SUPT3H: variants seen among roughly 807,000 people sequenced by gnomAD.
SUPT3H encodes transcription initiation protein SPT3 homolog.
SUPT3H carries 44 observed loss-of-function variants against 44.3 expected under a neutral mutation model. The ratio of observed to expected loss-of-function variants is 0.99; its 90% CI spans 0.78 to 1.28. The LOEUF (loss-of-function observed/expected upper bound fraction) is 1.28, where lower values mean the gene tolerates loss of function less well. Among genes scored for constraint, SUPT3H ranks in the 50% most tolerant of loss-of-function variants. The pLI is 0.00. For missense variants in SUPT3H, 380 were observed against 387.1 expected (o/e 0.98, Z 0.15); for synonymous variants, 124 against 125.6 (o/e 0.99, Z 0.09).
chr6:44,906,686 T>TG (rs1766145512), intron 10 of SUPT3H, among the ~76,000 whole-genome samples: 1 of 152,210 alleles, frequency 6.6e-6, no homozygotes, highest in South Asian at 2.1e-4. Flanking sequence ...CGCTTAAACC[T>TG]GGGAGGCAGA....
intron 10 of SUPT3H, among the ~76,000 whole-genome samples, chr6:44,890,487 T>C (rs1763098483): frequency 6.6e-6 from 1 of 151,626 alleles, no homozygotes; most frequent in Non-Finnish European, 1.5e-5. Context: ...GAAATCATCA[T>C]TCTCAGTAAA....
At chr6:45,154,577 G>A (rs1807500480) in intron 2 of SUPT3H, among the ~76,000 whole-genome samples, 1 of 152,100 alleles carries the variant, frequency 6.6e-6, no homozygotes, top group African/African-American at 2.4e-5. Flanking sequence ...GTGCATAATA[G>A]GACAACTTTT....
At chr6:45,125,077 A>G (rs75196288) in intron 2 of SUPT3H, among the ~76,000 whole-genome samples, 5,524 of 152,312 alleles carry the variant, frequency 0.036, 143 homozygotes, top group Middle Eastern at 0.058. Flanking sequence ...TAGAGCCTTC[A>G]GAGAACAAGA....
chr6:45,058,204 A>G (rs186153106), intron 3 of SUPT3H, among the ~76,000 whole-genome samples: 2 of 152,226 alleles, frequency 1.3e-5, no homozygotes, highest in African/African-American at 2.4e-5. Flanking sequence ...AAAATAATCC[A>G]TGTGAGATCA....
intron 6 of SUPT3H, among the ~76,000 whole-genome samples, chr6:44,998,210 C>G (rs943821574): frequency 4.0e-5 from 6 of 151,520 alleles, no homozygotes; most frequent in Admixed American, 2.6e-4. Context: ...TTAACTATTT[C>G]ATGAATTAAA....
intron 2 of SUPT3H, among the ~76,000 whole-genome samples, chr6:45,119,583 A>G (rs1337292258): frequency 6.6e-6 from 1 of 152,198 alleles, no homozygotes; most frequent in Non-Finnish European, 1.5e-5. Context: ...CTGTTGGATG[A>G]GCACAGATGG....
chr6:44,834,169 A>G (rs915468006), intron 10 of SUPT3H, among the ~76,000 whole-genome samples: 1 of 152,192 alleles, frequency 6.6e-6, no homozygotes, highest in African/African-American at 2.4e-5. Flanking sequence ...AGCTGAGAAC[A>G]GTGGTAAAAT....
intron 2 of SUPT3H, among the ~76,000 whole-genome samples, chr6:45,340,798 A>G (rs1789629390): frequency 6.6e-6 from 1 of 152,286 alleles, no homozygotes; most frequent in East Asian, 1.9e-4. Context: ...ATCCTCATTT[A>G]TAAAATTAAA....
intron 2 of SUPT3H, among the ~76,000 whole-genome samples, chr6:45,214,943 G>A (rs890615319): frequency 5.3e-5 from 8 of 151,952 alleles, no homozygotes; most frequent in Non-Finnish European, 7.4e-5. Context: ...CAGCAGAGCC[G>A]CTGTGCCCAG....
chr6:45,006,926 C>T (rs920471870), intron 5 of SUPT3H, among the ~76,000 whole-genome samples: 1 of 152,110 alleles, frequency 6.6e-6, no homozygotes, highest in Non-Finnish European at 1.5e-5. Flanking sequence ...CCTATTCTTC[C>T]TTTTTCTAAC....
At chr6:45,312,164 G>A (rs1784055793) in intron 2 of SUPT3H, among the ~76,000 whole-genome samples, 1 of 152,026 alleles carries the variant, frequency 6.6e-6, no homozygotes, top group South Asian at 2.1e-4. Flanking sequence ...AAGCAAGCAG[G>A]AGTAGCAATT....
At chr6:45,291,028 T>C (rs1327720939) in intron 2 of SUPT3H, among the ~76,000 whole-genome samples, 1 of 152,082 alleles carries the variant, frequency 6.6e-6, no homozygotes, top group Non-Finnish European at 1.5e-5. Context: ...ACAGACCCCC[T>C]GAAGGAAGCA....
chr6:44,838,009 A>G (rs1770231001), intron 10 of SUPT3H, among the ~76,000 whole-genome samples: 1 of 152,242 alleles, frequency 6.6e-6, no homozygotes, highest in Non-Finnish European at 1.5e-5. Flanking sequence ...CACAGATAGC[A>G]ATAGCTGTTT....
At chr6:45,220,040 C>CAAAAAAAA (rs67960187) in intron 2 of SUPT3H, among the ~76,000 whole-genome samples, 6 of 33,024 alleles carry the variant, frequency 1.8e-4, no homozygotes, top group African/African-American at 8.5e-4. Context: ...GACTCTGTCT[C>CAAAAAAAA]AAAAAAAAAA....
intron 2 of SUPT3H, among the ~76,000 whole-genome samples, chr6:45,191,602 AT>A (rs1461866566): frequency 6.6e-6 from 1 of 152,100 alleles, no homozygotes; most frequent in Non-Finnish European, 1.5e-5. Context: ...AACAAATATA[AT>A]TGAAACTGTA....
intron 10 of SUPT3H, among the ~76,000 whole-genome samples, chr6:44,899,668 C>T (rs1764661848): frequency 6.6e-6 from 1 of 152,284 alleles, no homozygotes; most frequent in Non-Finnish European, 1.5e-5. Context: ...ACCTGGGCAA[C>T]AGAGTGAGAC....
At chr6:45,368,186 A>C (rs1047052511) in intron 1 of SUPT3H, among the ~76,000 whole-genome samples, 1 of 152,200 alleles carries the variant, frequency 6.6e-6, no homozygotes, top group Admixed American at 6.5e-5. Context: ...TCTGTTTGCC[A>C]TATTTTACAA....
intron 6 of SUPT3H, among the ~76,000 whole-genome samples, chr6:44,978,775 T>C (rs879378412): frequency 1.3e-5 from 2 of 152,066 alleles, no homozygotes; most frequent in Non-Finnish European, 2.9e-5. Flanking sequence ...AGGGTGAAAG[T>C]AGGGAGAGAG....
chr6:44,913,445 G>C (rs1381862927), intron 10 of SUPT3H, among the ~76,000 whole-genome samples: 1 of 152,136 alleles, frequency 6.6e-6, no homozygotes, highest in African/African-American at 2.4e-5. Context: ...AATATTTTAT[G>C]TTGGGAATTT....
Sources: gnomAD v4.1 joint callset for allele counts (sites outside exome capture counted in the v4.1 genomes callset) on GRCh38, gnomAD v4.1.1 for gene constraint, MANE v1.5 for transcripts, NCBI Gene and HGNC (gene_info 2026-07-23, HGNC 2026-07-21) for gene names.